The following GLIS1 variants were observed in gnomAD, a reference collection of about 807,000 sequenced individuals.
GLIS1 encodes zinc finger protein GLIS1.
In GLIS1, 24 loss-of-function variants were observed where a neutral mutation model predicts 63.8. The observed-to-expected ratio is 0.38, with a 90% CI of 0.27 to 0.53. The LOEUF (loss-of-function observed/expected upper bound fraction) is 0.53. Ranked by LOEUF, GLIS1 falls within the 20% of genes least tolerant of loss-of-function variation. GLIS1 has a pLI of 0.85. For missense variants in GLIS1, 1,036 were observed against 1,074.1 expected, an observed-to-expected ratio of 0.96 and a Z score of 0.50; for synonymous variants, 450 against 482.5, an observed-to-expected ratio of 0.93 and a Z score of 0.88.
intron 2 of GLIS1, among the ~76,000 whole-genome samples, chr1:53,709,913 G>A (rs570857370): frequency 6.6e-6 from 1 of 152,148 alleles, no homozygotes; most frequent in African/African-American, 2.4e-5. Flanking sequence ...CTGGTGGAGG[G>A]ACAGGTACAA....
intron 2 of GLIS1, among the ~76,000 whole-genome samples, chr1:53,720,085 A>C (rs1175251463): frequency 6.6e-6 from 1 of 152,240 alleles, no homozygotes; most frequent in Non-Finnish European, 1.5e-5. Context: ...CTGAGGCAGG[A>C]GAATTGCTTG....
intron 4 of GLIS1, among the ~76,000 whole-genome samples, chr1:53,530,378 G>A (rs1310001983): frequency 1.3e-5 from 2 of 152,278 alleles, no homozygotes; most frequent in Admixed American, 1.3e-4. Flanking sequence ...GAGAGGCTTT[G>A]GGCAGTGCTC....
intron 2 of GLIS1, among the ~76,000 whole-genome samples, chr1:53,686,692 T>C (rs1646340258): frequency 6.6e-6 from 1 of 152,040 alleles, no homozygotes; most frequent in Non-Finnish European, 1.5e-5. Flanking sequence ...AGAGGGAGCA[T>C]CTGAGCTGGG....
intron 4 of GLIS1, among the ~76,000 whole-genome samples, chr1:53,541,944 T>C (rs1400433430): frequency 2.0e-5 from 3 of 152,186 alleles, no homozygotes. Context: ...GCTCCTCCTG[T>C]GGCCAGTGAT....
At position 53,539,280 on chromosome 1, in the gene GLIS1, T is replaced by TCACA. The variant is rs71722107; in HGVS notation, c.1321-9332_1321-9329dup. ...CACACACCAAGACCCAGAAACTCCC[T>TCACA]CACACACACACACACACACTACACC... On this transcript the variant is annotated intron_variant, in intron 4 of 10. Transcript: ENST00000628545. The surrounding 1 kb of genome is among the most constrained non-coding windows in gnomAD (Gnocchi z 5.0). Among the ~76,000 whole-genome samples the TCACA allele has an allele frequency of 1.4e-4, 20 of 148,088 alleles. No individual in the cohort carries two copies. Among genetic ancestry groups the TCACA allele is most frequent in the African/African-American group, 5.0e-4 (20 of 39,718 alleles).
chr1:53,676,726 G>A lies in GLIS1; in HGVS notation c.259+61080C>T, dbSNP rs544986654. On this transcript the variant is annotated intron_variant, in intron 2 of 10. Transcript: ENST00000628545. ...GAGCCTTCCAGCTTTTCACGTGTGCGTCCTGAGGCCAGAAGCACCCTCCAC... is the reference window on the plus strand; with the variant it reads ...GAGCCTTCCAGCTTTTCACGTGTGCATCCTGAGGCCAGAAGCACCCTCCAC... Among the ~76,000 whole-genome samples, 70 of 152,194 alleles carry A rather than the reference G, an allele frequency of 4.6e-4. 1 individual carries two copies. Among genetic ancestry groups the A allele is most frequent in the African/African-American group, 1.5e-3 (61 of 41,516 alleles).
chr1:53,598,042 C>T lies in GLIS1; in HGVS notation c.437+2059G>A, dbSNP rs1354925244. On this transcript the variant is annotated intron_variant, in intron 3 of 10. Coordinates refer to ENST00000628545, the MANE Select transcript of GLIS1 (RefSeq NM_001367484.1). This position sits in a 1 kb window ranked among gnomAD's most constrained non-coding sequence, Gnocchi z 4.6. The stretch of plus-strand genomic sequence containing the variant: ...CAGAGAAGAATCCAGCAGATAAATG[C>T]ATTTGACTGTCACCAAACAATGCAC... Among the ~76,000 whole-genome samples, 2 of 152,114 alleles carry T rather than the reference C, an allele frequency of 1.3e-5. No individual in the cohort carries two copies. Among genetic ancestry groups the T allele is most frequent in the African/African-American group, 2.4e-5 (1 of 41,440 alleles).
chr1:53,726,040 G>A (rs547164918), intron 2 of GLIS1, among the ~76,000 whole-genome samples: 1 of 152,320 alleles, frequency 6.6e-6, no homozygotes, highest in Admixed American at 6.5e-5. Flanking sequence ...CAGTTTCATG[G>A]GGAAGGGAAA....
Position 53,600,226 on chromosome 1 carries a change from G to A in GLIS1, c.312C>T (p.Asp104=). ...RTPGSEKSLL[D]LDLAEGPGPT... is the part of the protein sequence containing the mutation. ...GGCCAGGGCCCTCAGCAAGGTCCAG[G>A]TCCAGCAGGCTCTTCTCTGAGCCCG... Residue 104 remains aspartate, a synonymous_variant, in exon 3 of 11, where the codon GAC becomes GAT. Coordinates refer to ENST00000628545, the MANE Select transcript of GLIS1 (RefSeq NM_001367484.1). 8.1e-7 allele frequency: 1 copy of A among 1,232,146 alleles called. No individual in the cohort carries two copies. Among genetic ancestry groups the A allele is most frequent in the South Asian group, 4.1e-5 (1 of 24,322 alleles). The allele number at this position is 1,232,146 out of a possible 1,614,324, so 76.3% of individuals were successfully genotyped here. A position where few individuals can be genotyped will look rare whatever the true frequency, so the allele number is the denominator to read the frequency against.
chr1:53,597,368 GAA>G (rs529996482), intron 3 of GLIS1, among the ~76,000 whole-genome samples: 8 of 99,996 alleles, frequency 8.0e-5, no homozygotes, highest in African/African-American at 2.6e-4. Flanking sequence ...GCGAGACCCA[GAA>G]AAAAAAAAAA....
intron 2 of GLIS1, among the ~76,000 whole-genome samples, chr1:53,703,811 T>A (rs770619363): frequency 1.6e-4 from 24 of 152,116 alleles, no homozygotes; most frequent in Non-Finnish European, 2.9e-4. Flanking sequence ...CTCAGAATAC[T>A]GCCTGCCTGG....
chr1:53,657,044 A>C (rs1011777759), intron 2 of GLIS1, among the ~76,000 whole-genome samples: 9 of 152,194 alleles, frequency 5.9e-5, no homozygotes, highest in African/African-American at 2.2e-4. Flanking sequence ...CCTTTGACAA[A>C]GGAGACATCA....
At chr1:53,654,276 C>A (rs1412844099) in intron 2 of GLIS1, among the ~76,000 whole-genome samples, 3 of 152,346 alleles carry the variant, frequency 2.0e-5, no homozygotes, top group Admixed American at 2.0e-4. Context: ...AACTACTATT[C>A]CACACTATCT....
At chr1:53,726,238 G>A (rs1024642935) in intron 2 of GLIS1, among the ~76,000 whole-genome samples, 1 of 152,170 alleles carries the variant, frequency 6.6e-6, no homozygotes, top group African/African-American at 2.4e-5. Flanking sequence ...TGTAGAAGGG[G>A]CGGGTAGGTC....
intron 4 of GLIS1, among the ~76,000 whole-genome samples, chr1:53,556,542 TGTGTGTGTGCAGGTGTACTGCAGGG>T (rs1644830847): frequency 7.0e-6 from 1 of 143,084 alleles, no homozygotes; most frequent in African/African-American, 2.7e-5. Flanking sequence ...ACTGCAGGTG[TGTGTGTGTGCAGGTGTACTGCAGGG>T]GTGTGTGTAT....
intron 6 of GLIS1, 69 bp from the exon 7 acceptor site, chr1:53,520,835 G>A (rs771479743): frequency 1.1e-5 from 17 of 1,499,694 alleles, no homozygotes; most frequent in Non-Finnish European, 1.5e-5. Context: ...CCTCACGTTA[G>A]GGGACAGGGC....
rs138560471 is a variant in GLIS1, at chr1:53,597,068, A to G, written c.438-2078T>C. ...GGGTAGGTAGAGTTCTGGTGAACAGAACTAGTTATGTAGCCTCTCTAGCCT... is the reference window on the plus strand; with the variant it reads ...GGGTAGGTAGAGTTCTGGTGAACAGGACTAGTTATGTAGCCTCTCTAGCCT... On this transcript the variant is annotated intron_variant, in intron 3 of 10. Transcript: ENST00000628545. Among the ~76,000 whole-genome samples the G allele has an allele frequency of 8.3e-4, 125 of 151,120 alleles. 2 individuals are homozygous for G. In the East Asian group the frequency reaches 0.021, roughly 26 times the overall value.
intron 4 of GLIS1, among the ~76,000 whole-genome samples, chr1:53,566,745 C>T (rs1407286024): frequency 6.6e-6 from 1 of 152,214 alleles, no homozygotes; most frequent in African/African-American, 2.4e-5. Flanking sequence ...CCTTCTCTCT[C>T]TCTTTCCTGC....
intron 2 of GLIS1, among the ~76,000 whole-genome samples, chr1:53,684,791 T>C (rs982403183): frequency 3.9e-5 from 6 of 152,172 alleles, no homozygotes; most frequent in Non-Finnish European, 5.9e-5. Context: ...CCCTACCCCA[T>C]GACCACCTCT....
Sources: gnomAD v4.1 joint callset for allele counts (sites outside exome capture counted in the v4.1 genomes callset) on GRCh38, gnomAD v4.1.1 for gene constraint, Gnocchi (gnomAD v3.1) non-coding constraint, MANE v1.5 for transcripts, NCBI Gene and HGNC (gene_info 2026-07-23, HGNC 2026-07-21) for gene names.